The following LRRC4C variants were observed in gnomAD, a reference collection of about 807,000 sequenced individuals.
LRRC4C encodes leucine rich repeat containing 4C.
LRRC4C carries 5 observed loss-of-function variants against 33.6 expected under a neutral mutation model. That is an observed-to-expected ratio of 0.15 (90% confidence interval 0.08 to 0.31). LRRC4C has a LOEUF of 0.31. LRRC4C is among the 10% of genes least tolerant of loss of function. The pLI, the probability that LRRC4C is intolerant of heterozygous loss-of-function variation, is 1.00. For synonymous variants in LRRC4C, 329 were observed against 302.0 expected, an observed-to-expected ratio of 1.09 and a Z score of -0.93; for missense variants, 560 against 796.7, an observed-to-expected ratio of 0.70 and a Z score of 3.58.
At chr11:40,771,776 T>A (rs1168006240) in intron 2 of LRRC4C, among the ~76,000 whole-genome samples, 1 of 152,172 alleles carries the variant, frequency 6.6e-6, no homozygotes, top group Non-Finnish European at 1.5e-5. Context: ...AAAAAGTTAC[T>A]CATCTCCCTC....
At chr11:40,492,358 G>A (rs1360104771) in intron 3 of LRRC4C, among the ~76,000 whole-genome samples, 1 of 152,138 alleles carries the variant, frequency 6.6e-6, no homozygotes, top group Non-Finnish European at 1.5e-5. Flanking sequence ...AATTATGAAA[G>A]ACCATTTTGC....
intron 1 of LRRC4C, among the ~76,000 whole-genome samples, chr11:41,249,768 G>C (rs927231793): frequency 3.9e-5 from 6 of 152,174 alleles, no homozygotes; most frequent in African/African-American, 1.4e-4. Flanking sequence ...AGCATCCCTG[G>C]ATCTATCATT....
rs1950423886 is a variant in LRRC4C, at chr11:40,786,707, A to C, written c.-406-138429T>G. Reference sequence around the variant, plus strand: ...ATGTAACAAGGGTCAACAAGGAAAAAATTAAAAATATTTTACTTCCTCTAC... The same window carrying C: ...ATGTAACAAGGGTCAACAAGGAAAACATTAAAAATATTTTACTTCCTCTAC... On this transcript the variant is annotated intron_variant, in intron 2 of 6. Transcript: ENST00000528697. 2.0e-5 allele frequency among the ~76,000 whole-genome samples: 3 copies of C among 152,238 alleles called. No homozygotes were observed. The South Asian group carries it at 6.2e-4, about 32-fold the overall frequency.
At chr11:40,162,704 G>A (rs1397727039) in intron 5 of LRRC4C, among the ~76,000 whole-genome samples, 1 of 152,108 alleles carries the variant, frequency 6.6e-6, no homozygotes, top group Admixed American at 6.6e-5. Context: ...CTTTACGTAA[G>A]GTATGTGATT....
intron 1 of LRRC4C, among the ~76,000 whole-genome samples, chr11:40,986,654 G>A (rs1373005963): frequency 6.6e-6 from 1 of 152,020 alleles, no homozygotes; most frequent in Admixed American, 6.6e-5. Context: ...AGAAAACTCT[G>A]GCGATATGAT....
At chr11:40,494,646 A>G (rs924813450) in intron 3 of LRRC4C, among the ~76,000 whole-genome samples, 3 of 152,144 alleles carry the variant, frequency 2.0e-5, no homozygotes, top group African/African-American at 4.8e-5. Flanking sequence ...TATAGACATA[A>G]TAAGTGGTAA....
intron 1 of LRRC4C, among the ~76,000 whole-genome samples, chr11:41,240,962 A>G (rs1050994366): frequency 6.6e-6 from 1 of 152,118 alleles, no homozygotes. Context: ...AGGAACCACC[A>G]TTTTACTGTG....
intron 5 of LRRC4C, among the ~76,000 whole-genome samples, chr11:40,219,621 G>C (rs1045454418): frequency 6.6e-6 from 1 of 151,962 alleles, no homozygotes; most frequent in South Asian, 2.1e-4. Flanking sequence ...TATGCTCAGT[G>C]AAATAAGCCA....
intron 1 of LRRC4C, among the ~76,000 whole-genome samples, chr11:41,214,575 CAAAAAAAAA>C (rs547167050): frequency 2.9e-4 from 10 of 34,772 alleles, no homozygotes; most frequent in South Asian, 1.4e-3. Flanking sequence ...ACTAAAAATA[CAAAAAAAAA>C]AAAAAAAAAA....
chr11:40,376,035 CG>C (rs1348970700), intron 3 of LRRC4C, among the ~76,000 whole-genome samples: 9 of 152,118 alleles, frequency 5.9e-5, no homozygotes, highest in Non-Finnish European at 1.3e-4. Context: ...AACCTGGTAC[CG>C]TTCCCAACTA....
intron 5 of LRRC4C, among the ~76,000 whole-genome samples, chr11:40,193,049 G>A (rs1478213174): frequency 1.3e-5 from 2 of 152,164 alleles, no homozygotes; most frequent in Admixed American, 1.3e-4. Context: ...AAATGTTCCC[G>A]TATGCTGGCT....
chr11:41,361,658 A>G (rs1367601034), intron 1 of LRRC4C, among the ~76,000 whole-genome samples: 2 of 152,230 alleles, frequency 1.3e-5, no homozygotes, highest in Non-Finnish European at 2.9e-5. Context: ...TAGCTAAAAT[A>G]TATGGTTAAT....
intron 2 of LRRC4C, among the ~76,000 whole-genome samples, chr11:40,666,697 G>C (rs1943829319): frequency 6.6e-6 from 1 of 152,102 alleles, no homozygotes; most frequent in Non-Finnish European, 1.5e-5. Flanking sequence ...GCACATAATT[G>C]TTATTGGTGT....
At chr11:40,918,094 C>T (rs566318524) in intron 2 of LRRC4C, among the ~76,000 whole-genome samples, 4 of 152,124 alleles carry the variant, frequency 2.6e-5, no homozygotes, top group African/African-American at 9.6e-5. Flanking sequence ...TATGATTGGT[C>T]GATCAGGAGC....
chr11:40,717,089 G>T (rs1229695677), intron 2 of LRRC4C, among the ~76,000 whole-genome samples: 2 of 152,178 alleles, frequency 1.3e-5, no homozygotes, highest in South Asian at 2.1e-4. Flanking sequence ...GCATCACGAG[G>T]TTCTCTTTTG....
In LRRC4C at chr11:40,831,633, A is replaced by G. The variant is rs1387296473; in HGVS notation, c.-407+102002T>C. On this transcript the variant is annotated intron_variant, in intron 2 of 6. Transcript: ENST00000528697. The stretch of plus-strand genomic sequence containing the variant: ...AGAAATACCCGAGACTGGGTAAATT[A>G]TAAAGAAAAAGAGGTTTAATGGACT... 3.3e-5 allele frequency among the ~76,000 whole-genome samples: 5 copies of G among 152,242 alleles called. No individual in the cohort carries two copies. The South Asian group carries it at 8.3e-4, about 25-fold the overall frequency.
intron 3 of LRRC4C, among the ~76,000 whole-genome samples, chr11:40,619,548 A>T (rs1962227133): frequency 6.6e-6 from 1 of 151,738 alleles, no homozygotes; most frequent in African/African-American, 2.4e-5. Flanking sequence ...AACACTAGGA[A>T]ATGTATGAAT....
intron 1 of LRRC4C, among the ~76,000 whole-genome samples, chr11:41,069,795 T>C (rs1459833068): frequency 6.6e-6 from 1 of 152,114 alleles, no homozygotes; most frequent in African/African-American, 2.4e-5. Context: ...AATCATTCCA[T>C]CCTTATGGAT....
chr11:40,861,539 G>A (rs559402538), intron 2 of LRRC4C, among the ~76,000 whole-genome samples: 73 of 152,254 alleles, frequency 4.8e-4, no homozygotes, highest in African/African-American at 1.5e-3. Context: ...AGAGGAACCC[G>A]AAGGAGTAAG....
Sources: allele counts gnomAD v4.1 joint callset (sites outside exome capture counted in the v4.1 genomes callset), GRCh38; gene constraint gnomAD v4.1.1; transcripts MANE v1.5; gene names NCBI Gene and HGNC (gene_info 2026-07-23, HGNC 2026-07-21).